The following HDAC4 variants were observed in gnomAD, a reference collection of about 807,000 sequenced individuals.
The protein encoded by HDAC4 is histone deacetylase 4.
A neutral mutation model predicts 135.1 loss-of-function variants in HDAC4; 16 were observed. The ratio of observed to expected loss-of-function variants is 0.12; its 90% CI spans 0.08 to 0.18. The LOEUF (loss-of-function observed/expected upper bound fraction) is 0.18, where lower values mean the gene tolerates loss of function less well. HDAC4 is among the 10% of genes least tolerant of loss of function. HDAC4 has a pLI of 1.00. For missense variants in HDAC4, 1,143 were observed against 1,511.8 expected (o/e 0.76, Z 4.05); for synonymous variants, 685 against 653.4 (o/e 1.05, Z -0.74).
At chr2:239,365,147 C>T (rs576637073) in intron 1 of HDAC4, among the ~76,000 whole-genome samples, 75 of 152,356 alleles carry the variant, frequency 4.9e-4, no homozygotes, top group African/African-American at 1.8e-3. Flanking sequence ...CCTGTCTATA[C>T]AGTGAGTTTA....
intron 3 of HDAC4, among the ~76,000 whole-genome samples, chr2:239,207,023 A>G (rs1462828284): frequency 2.0e-5 from 3 of 152,188 alleles, no homozygotes; most frequent in African/African-American, 7.2e-5. Context: ...AAACGCAAGT[A>G]CTGGAGGGAC....
chr2:239,356,841 C>T (rs1693520441), intron 1 of HDAC4, among the ~76,000 whole-genome samples: 1 of 152,016 alleles, frequency 6.6e-6, no homozygotes, highest in Admixed American at 6.6e-5. Context: ...ATACCGAGAC[C>T]TCAGATCCCA....
At chr2:239,391,134 G>A (rs1206041769) in intron 1 of HDAC4, among the ~76,000 whole-genome samples, 1 of 152,200 alleles carries the variant, frequency 6.6e-6, no homozygotes, top group Admixed American at 6.5e-5. Flanking sequence ...CATAGCAGCT[G>A]AGCCACCATC....
intron 3 of HDAC4, among the ~76,000 whole-genome samples, chr2:239,220,307 A>G (rs2046875478): frequency 6.6e-6 from 1 of 152,258 alleles, no homozygotes. Context: ...CCTAAAATTG[A>G]GCTCAGAGAA....
At chr2:239,324,980 C>A (rs2053428265) in intron 2 of HDAC4, among the ~76,000 whole-genome samples, 1 of 152,210 alleles carries the variant, frequency 6.6e-6, no homozygotes, top group South Asian at 2.1e-4. Flanking sequence ...TCTCTTACAG[C>A]AGCTAAAGGC....
At chr2:239,280,167 G>A (rs935062552) in intron 2 of HDAC4, among the ~76,000 whole-genome samples, 2 of 151,666 alleles carry the variant, frequency 1.3e-5, no homozygotes, top group Admixed American at 6.6e-5. Context: ...AAAACATGTT[G>A]GTCAAAGAAA....
At chr2:239,161,835 GCCC>G in intron 6 of HDAC4, 2 of 384,258 alleles carry the variant, frequency 5.2e-6, no homozygotes, top group East Asian at 7.2e-5. Flanking sequence ...CTCCCTGGAA[GCCC>G]CCCATCTCCC....
chr2:239,185,618 T>C (rs1261385524), intron 4 of HDAC4, among the ~76,000 whole-genome samples: 1 of 152,076 alleles, frequency 6.6e-6, no homozygotes, highest in South Asian at 2.1e-4. Flanking sequence ...CCCTGCTCCA[T>C]CACTCACCAG....
intron 2 of HDAC4, among the ~76,000 whole-genome samples, chr2:239,280,487 G>C (rs879456016): frequency 2.0e-5 from 3 of 152,200 alleles, no homozygotes; most frequent in Non-Finnish European, 2.9e-5. Flanking sequence ...GGCACAGAAG[G>C]CAGGCAGGTG....
intron 3 of HDAC4, among the ~76,000 whole-genome samples, chr2:239,230,627 C>T (rs915692500): frequency 5.3e-5 from 8 of 152,202 alleles, no homozygotes; most frequent in Admixed American, 2.6e-4. Flanking sequence ...CGAGGAACCA[C>T]CAGAGATGGC....
chr2:239,324,524 G>A (rs1169527630), intron 2 of HDAC4, among the ~76,000 whole-genome samples: 1 of 152,224 alleles, frequency 6.6e-6, no homozygotes, highest in East Asian at 1.9e-4. Flanking sequence ...GGCATGCTGT[G>A]GCTTCCTGCT....
At chr2:239,337,564 G>A (rs761736392) in intron 2 of HDAC4, among the ~76,000 whole-genome samples, 54 of 152,200 alleles carry the variant, frequency 3.5e-4, no homozygotes, top group Non-Finnish European at 7.3e-4. Flanking sequence ...ATAGCGATGA[G>A]CAACCGAGTC....
intron 15 of HDAC4, among the ~76,000 whole-genome samples, chr2:239,103,588 C>T (rs757517095): frequency 3.9e-5 from 6 of 152,264 alleles, no homozygotes; most frequent in Non-Finnish European, 7.3e-5. Context: ...GGTTAGGCCA[C>T]CACAGGATGA....
intron 1 of HDAC4, among the ~76,000 whole-genome samples, chr2:239,366,752 CA>C (rs1414324875): frequency 6.6e-6 from 1 of 152,158 alleles, no homozygotes; most frequent in Non-Finnish European, 1.5e-5. Context: ...CCCGAGAGAG[CA>C]AAAGGCCAGT....
At position 239,349,632 on chromosome 2, in the gene HDAC4, C is replaced by G. The variant is rs1426511170; in HGVS notation, c.22+3046G>C. On this transcript the variant is annotated intron_variant, in intron 2 of 26. Coordinates refer to ENST00000543185, the MANE Select transcript of HDAC4 (RefSeq NM_001378414.1). This position sits in a 1 kb window ranked among gnomAD's most constrained non-coding sequence, Gnocchi z 5.7. ...GGCAAGCCCCATCCCCCGCCTGAGA[C>G]GTGGGCAGAGGCCGCTGGGCCACCA... Among the ~76,000 whole-genome samples, 1 of 152,236 alleles carries G rather than the reference C, an allele frequency of 6.6e-6. No homozygotes were observed. Among genetic ancestry groups the G allele is most frequent in the Non-Finnish European group, 1.5e-5 (1 of 68,040 alleles).
rs2049433709 is a variant in HDAC4 at position 239,262,528 on chromosome 2, C to A, written c.23-25864G>T. On this transcript the variant is annotated intron_variant, in intron 2 of 26. Coordinates refer to ENST00000543185, the MANE Select transcript of HDAC4 (RefSeq NM_001378414.1). The surrounding 1 kb of genome is among the most constrained non-coding windows in gnomAD (Gnocchi z 4.1). Reference sequence around the variant, plus strand: ...GCCCAGGTCCGAGATGAGGTAATGCCATTAGCAGGCAAGACTGATCTCTAC... The same window carrying A: ...GCCCAGGTCCGAGATGAGGTAATGCAATTAGCAGGCAAGACTGATCTCTAC... Among the ~76,000 whole-genome samples the A allele has an allele frequency of 1.3e-5, 2 of 152,172 alleles. No homozygotes were observed. The highest frequency in any genetic ancestry group is 6.5e-5 in the Admixed American group (1 of 15,282).
intron 2 of HDAC4, among the ~76,000 whole-genome samples, chr2:239,315,170 G>A (rs559784843): frequency 7.4e-4 from 112 of 152,166 alleles, no homozygotes; most frequent in African/African-American, 2.6e-3. Context: ...CTCACACTTC[G>A]AGTTGTCCCG....
intron 14 of HDAC4, among the ~76,000 whole-genome samples, chr2:239,109,606 T>C (rs1575060162): frequency 2.9e-5 from 2 of 69,734 alleles, no homozygotes; most frequent in East Asian, 5.6e-4. Flanking sequence ...ATGGGACTTC[T>C]GGTAAAAAAA....
At chr2:239,337,097 A>C (rs928909490) in intron 2 of HDAC4, among the ~76,000 whole-genome samples, 1 of 152,192 alleles carries the variant, frequency 6.6e-6, no homozygotes, top group East Asian at 1.9e-4. Flanking sequence ...CACGGGGGAA[A>C]GTGCCATTCT....
Sources: gnomAD v4.1 joint callset for allele counts (sites outside exome capture counted in the v4.1 genomes callset) on GRCh38, gnomAD v4.1.1 for gene constraint, Gnocchi (gnomAD v3.1) non-coding constraint, MANE v1.5 for transcripts, NCBI Gene and HGNC (gene_info 2026-07-23, HGNC 2026-07-21) for gene names.